The following NFIB variants were observed in gnomAD, a reference collection of about 807,000 sequenced individuals.
NFIB encodes the protein nuclear factor 1 B-type.
A neutral mutation model predicts 61.5 loss-of-function variants in NFIB; 11 were observed. That is an observed-to-expected ratio of 0.18 (90% CI 0.11 to 0.30). The LOEUF is 0.30. Ranked by LOEUF, NFIB falls within the 10% of genes least tolerant of loss-of-function variation. The pLI, the probability that NFIB is intolerant of heterozygous loss-of-function variation, is 1.00. For missense variants in NFIB, 471 were observed against 608.9 expected, an observed-to-expected ratio of 0.77 and a Z score of 2.38; for synonymous variants, 260 against 216.5, an observed-to-expected ratio of 1.20 and a Z score of -1.76.
chr9:14,147,636 C>CTTTTTTTTT (rs34256054), intron 5 of NFIB, among the ~76,000 whole-genome samples: 3 of 108,670 alleles, frequency 2.8e-5, no homozygotes, highest in Non-Finnish European at 5.1e-5. Context: ...TAAAATGATA[C>CTTTTTTTTT]TTTTTTTTTT....
At chr9:14,229,993 G>T (rs768059614) in intron 2 of NFIB, among the ~76,000 whole-genome samples, 9 of 152,170 alleles carry the variant, frequency 5.9e-5, no homozygotes, top group Non-Finnish European at 1.2e-4. Flanking sequence ...AGTAGAGACA[G>T]GGTTTCTCCA....
intron 2 of NFIB, among the ~76,000 whole-genome samples, chr9:14,191,817 G>A (rs1265211714): frequency 6.6e-6 from 1 of 152,066 alleles, no homozygotes; most frequent in Non-Finnish European, 1.5e-5. Flanking sequence ...TTCATTGCAC[G>A]TACCATTACA....
chr9:14,398,525 G>C, exon 1 of NFIB: 1 of 1,532,204 alleles, frequency 6.5e-7, no homozygotes. Flanking sequence ...TAGACTCACA[G>C]AAAATCCAAA....
intron 10 of NFIB, among the ~76,000 whole-genome samples, chr9:14,091,051 G>A (rs78059730): frequency 0.041 from 6,236 of 151,822 alleles, 396 homozygotes; most frequent in African/African-American, 0.14. Context: ...CTTTCAAACC[G>A]CCCATCCTAC....
Position 14,086,724 on chromosome 9 carries a change from A to T in NFIB, c.*1585T>A, listed in dbSNP as rs560088715. 4.7e-6 allele frequency: 1 copy of T among 212,746 alleles called. No individual in the cohort carries two copies. Among genetic ancestry groups the T allele is most frequent in the African/African-American group, 2.3e-5 (1 of 44,306 alleles). The allele number at this position is 212,746 out of a possible 1,614,324, so 13.2% of individuals were successfully genotyped here. A position where few individuals can be genotyped will look rare whatever the true frequency, so the allele number is the denominator to read the frequency against. ...TGTCATAAAAATGGTAAAGATTTAA[A>T]ATGATAATAAATGCAGCAAAACAAG... On this transcript the variant is annotated 3_prime_UTR_variant, in exon 11 of 11. Transcript: ENST00000380953.
the NFIB span, among the ~76,000 whole-genome samples, chr9:14,504,509 A>T: frequency 2.0e-5 from 3 of 152,138 alleles, no homozygotes. Flanking sequence ...TTCTTTCAGC[A>T]GTGTTTTGTA....
chr9:14,171,864 T>C (rs532690951), intron 3 of NFIB, among the ~76,000 whole-genome samples: 2 of 152,226 alleles, frequency 1.3e-5, no homozygotes, highest in African/African-American at 4.8e-5. Context: ...GGTAAACATC[T>C]AGGAGAAAAG....
intron 2 of NFIB, among the ~76,000 whole-genome samples, chr9:14,266,365 A>T (rs112991585): frequency 2.2e-4 from 34 of 152,234 alleles, no homozygotes; most frequent in Admixed American, 7.2e-4. Context: ...CTAAGGCAAG[A>T]GGGTCGCTTG....
intron 2 of NFIB, among the ~76,000 whole-genome samples, chr9:14,265,938 G>A (rs1382892601): frequency 5.9e-5 from 9 of 152,202 alleles, no homozygotes; most frequent in Non-Finnish European, 5.9e-5. Flanking sequence ...TCAACTTACT[G>A]CAATACCAAA....
chr9:14,125,488 A>T, intron 7 of NFIB, 144 bp downstream of exon 7: 1 of 1,178,012 alleles, frequency 8.5e-7, no homozygotes, highest in Non-Finnish European at 1.2e-6. Context: ...AAGAAAAAAT[A>T]CTTGATCGGA....
At chr9:14,135,104 T>G (rs1193353657) in intron 6 of NFIB, among the ~76,000 whole-genome samples, 5 of 152,142 alleles carry the variant, frequency 3.3e-5, no homozygotes, top group African/African-American at 1.2e-4. Context: ...TAACAGAAGT[T>G]ATCTTTATGT....
At chr9:14,441,263 C>T in the NFIB span, among the ~76,000 whole-genome samples, 2 of 151,878 alleles carry the variant, frequency 1.3e-5, no homozygotes, top group Admixed American at 6.6e-5. Flanking sequence ...CCTGTAGTGC[C>T]TCATGGAAAA....
At chr9:14,295,468 T>C (rs999962591) in intron 2 of NFIB, among the ~76,000 whole-genome samples, 3 of 149,932 alleles carry the variant, frequency 2.0e-5, no homozygotes, top group Admixed American at 1.3e-4. Context: ...CTACTAAACA[T>C]ACAAAAAAAA....
chr9:14,378,176 G>T (rs749904897), intron 1 of NFIB, among the ~76,000 whole-genome samples: 7 of 152,156 alleles, frequency 4.6e-5, no homozygotes, highest in Non-Finnish European at 1.0e-4. Flanking sequence ...TTTCCAAAGG[G>T]AATAATAATT....
chr9:14,138,869 G>C (rs2041362239), intron 6 of NFIB, among the ~76,000 whole-genome samples: 1 of 151,478 alleles, frequency 6.6e-6, no homozygotes, highest in Middle Eastern at 3.4e-3. Flanking sequence ...TTTAATCCTG[G>C]CACTAATAAT....
At chr9:14,220,451 G>A (rs943755834) in intron 2 of NFIB, among the ~76,000 whole-genome samples, 4 of 152,138 alleles carry the variant, frequency 2.6e-5, no homozygotes, top group African/African-American at 4.8e-5. Flanking sequence ...ATTATTGAGA[G>A]GCATCTTTAC....
chr9:14,489,365 T>C, the NFIB span, among the ~76,000 whole-genome samples: 1 of 152,172 alleles, frequency 6.6e-6, no homozygotes, highest in African/African-American at 2.4e-5. Flanking sequence ...ATTTTTCTTC[T>C]CTTGGAAACT....
the NFIB span, among the ~76,000 whole-genome samples, chr9:14,469,998 G>T: frequency 8.9e-4 from 136 of 152,324 alleles, no homozygotes; most frequent in Non-Finnish European, 1.7e-3. Flanking sequence ...CTATTGCAGA[G>T]ATTCACACGG....
rs143403599 is a variant in NFIB at position 14,341,793 on chromosome 9, G to C, written c.109-34273C>G. Among the ~76,000 whole-genome samples the C allele has an allele frequency of 2.8e-3, 426 of 152,188 alleles. 1 individual carries two copies. Among genetic ancestry groups the C allele is most frequent in the African/African-American group, 9.5e-3 (394 of 41,514 alleles). ...CTGTTACAACCTGGTTCTGCTTCTG[G>C]GGAAGACAAAGAAAGAGAGGGAATC... On this transcript the variant is annotated intron_variant, in intron 1 of 8. Transcript: ENST00000380934.
Sources: allele counts gnomAD v4.1 joint callset (sites outside exome capture counted in the v4.1 genomes callset), GRCh38; gene constraint gnomAD v4.1.1; transcripts MANE v1.5; gene names NCBI Gene and HGNC (gene_info 2026-07-23, HGNC 2026-07-21).